GNG2: variants seen among roughly 807,000 people sequenced by gnomAD.
The protein encoded by GNG2 is guanine nucleotide-binding protein G(I)/G(S)/G(O) subunit gamma-2.
In GNG2, 5 loss-of-function variants were observed where a neutral mutation model predicts 5.5. The observed-to-expected ratio is 0.91, with a 90% confidence interval of 0.48 to 1.92. The LOEUF (loss-of-function observed/expected upper bound fraction) is 1.92, where lower values mean the gene tolerates loss of function less well. GNG2 is among the 30% of genes most tolerant of loss of function. GNG2 has a pLI of 0.01. For synonymous variants in GNG2, 28 were observed against 32.0 expected (o/e 0.88, Z 0.42); for missense variants, 55 against 88.4 (o/e 0.62, Z 1.52).
chr14:51,963,629 T>G (rs558462753), intron 3 of GNG2, among the ~76,000 whole-genome samples: 1 of 152,350 alleles, frequency 6.6e-6, no homozygotes, highest in East Asian at 1.9e-4. Context: ...TTTCAACCTT[T>G]GGAACAAAGC....
intron 2 of GNG2, among the ~76,000 whole-genome samples, chr14:51,828,501 A>G (rs1400404008): frequency 6.6e-6 from 1 of 152,198 alleles, no homozygotes; most frequent in African/African-American, 2.4e-5. Context: ...CAAGGAGATA[A>G]TCACAAAACA....
chr14:51,842,981 A>G (rs1881524100), intron 2 of GNG2, among the ~76,000 whole-genome samples: 1 of 152,158 alleles, frequency 6.6e-6, no homozygotes, highest in Admixed American at 6.5e-5. Context: ...CCAGAATTGA[A>G]GGAAAATTTT....
intron 2 of GNG2, among the ~76,000 whole-genome samples, chr14:51,936,300 G>A (rs1399707536): frequency 1.3e-5 from 2 of 152,206 alleles, no homozygotes; most frequent in Admixed American, 6.5e-5. Context: ...TATACATTAA[G>A]TAAGGTCAGT....
chr14:51,929,800 G>A (rs1484788566), intron 2 of GNG2, among the ~76,000 whole-genome samples: 1 of 152,174 alleles, frequency 6.6e-6, no homozygotes, highest in African/African-American at 2.4e-5. Context: ...CTGGCGTCGA[G>A]AGAAGAGGCT....
intron 2 of GNG2, among the ~76,000 whole-genome samples, chr14:51,836,578 C>T (rs977392595): frequency 6.6e-6 from 1 of 151,916 alleles, no homozygotes; most frequent in African/African-American, 2.4e-5. Flanking sequence ...TGTCCTCTCC[C>T]CTCACCACAA....
intron 1 of GNG2, among the ~76,000 whole-genome samples, chr14:51,867,310 T>C (rs374836311): frequency 1.2e-4 from 18 of 152,306 alleles, no homozygotes; most frequent in South Asian, 4.1e-4. Context: ...CTCTCTCAGC[T>C]TGTACAGCAA....
At chr14:51,843,707 T>G (rs1439681877) in intron 2 of GNG2, among the ~76,000 whole-genome samples, 2 of 152,046 alleles carry the variant, frequency 1.3e-5, no homozygotes, top group Non-Finnish European at 2.9e-5. Flanking sequence ...GTCACATCAG[T>G]CCTCTTGACT....
chr14:51,941,041 A>G (rs1888291634), intron 2 of GNG2, among the ~76,000 whole-genome samples: 1 of 151,886 alleles, frequency 6.6e-6, no homozygotes, highest in South Asian at 2.1e-4. Context: ...ATAAATATCA[A>G]TTTTATGTTG....
intron 2 of GNG2, among the ~76,000 whole-genome samples, chr14:51,836,656 A>C (rs1481817343): frequency 1.3e-5 from 2 of 151,920 alleles, no homozygotes; most frequent in Non-Finnish European, 2.9e-5. Flanking sequence ...TATTAAGTCT[A>C]ATGTACTTCT....
intron 2 of GNG2, among the ~76,000 whole-genome samples, chr14:51,923,546 CATATATAT>C (rs1887144215): frequency 8.3e-6 from 1 of 120,054 alleles, no homozygotes; most frequent in African/African-American, 3.0e-5. Context: ...CACATATACA[CATATATAT>C]ACAAACACAC....
At chr14:51,907,812 A>C (rs891336232) in intron 2 of GNG2, among the ~76,000 whole-genome samples, 2 of 152,220 alleles carry the variant, frequency 1.3e-5, no homozygotes, top group African/African-American at 4.8e-5. Context: ...AGGAGAGAAC[A>C]GAATACCCTA....
At chr14:51,874,191 C>G (rs2140127374) in intron 1 of GNG2, 1 of 152,400 alleles carries the variant, frequency 6.6e-6, no homozygotes, top group African/African-American at 2.4e-5. Context: ...CTTTGGAAGG[C>G]TGAGGTGGGG....
At chr14:51,930,686 G>T (rs940389260) in intron 2 of GNG2, among the ~76,000 whole-genome samples, 2 of 152,228 alleles carry the variant, frequency 1.3e-5, no homozygotes, top group Non-Finnish European at 2.9e-5. Context: ...GTACATGAGT[G>T]GGGGTGATTT....
intron 1 of GNG2, among the ~76,000 whole-genome samples, chr14:51,868,216 G>A (rs1470407717): frequency 6.6e-6 from 1 of 152,162 alleles, no homozygotes; most frequent in Non-Finnish European, 1.5e-5. Flanking sequence ...AACAAAACTG[G>A]TCGGTTGTTT....
At chr14:51,966,236 A>AAAC (rs1889905736) in intron 3 of GNG2, among the ~76,000 whole-genome samples, 2 of 149,014 alleles carry the variant, frequency 1.3e-5, no homozygotes, top group African/African-American at 5.1e-5. Context: ...AAAAAAAAAA[A>AAAC]ACAAATGAAG....
At chr14:51,944,926 A>C (rs879279622) in intron 2 of GNG2, among the ~76,000 whole-genome samples, 7 of 152,212 alleles carry the variant, frequency 4.6e-5, no homozygotes, top group Admixed American at 4.6e-4. Context: ...GACACTTAAA[A>C]CTCAACAACA....
chr14:51,887,428 T>C (rs1000541483), intron 2 of GNG2, among the ~76,000 whole-genome samples: 3 of 152,226 alleles, frequency 2.0e-5, no homozygotes, highest in Non-Finnish European at 2.9e-5. Context: ...ATTACTTGCC[T>C]TGATCTAATC....
intron 2 of GNG2, among the ~76,000 whole-genome samples, chr14:51,887,815 T>G (rs986212287): frequency 6.6e-6 from 1 of 152,210 alleles, no homozygotes; most frequent in African/African-American, 2.4e-5. Context: ...AAATTATATA[T>G]GCAAAATGAA....
intron 2 of GNG2, among the ~76,000 whole-genome samples, chr14:51,937,384 G>C (rs1308266869): frequency 8.1e-6 from 1 of 122,876 alleles, no homozygotes; most frequent in East Asian, 2.4e-4. Flanking sequence ...CAAAAGGTCA[G>C]CATTTATGCA....
Sources: allele counts gnomAD v4.1 joint callset (sites outside exome capture counted in the v4.1 genomes callset), GRCh38; gene constraint gnomAD v4.1.1; transcripts MANE v1.5; gene names NCBI Gene and HGNC (gene_info 2026-07-23, HGNC 2026-07-21).